Variants in SPATA17 observed in about 807,000 individuals in gnomAD.
SPATA17 encodes spermatogenesis-associated protein 17.
SPATA17 carries 53 observed loss-of-function variants against 62.2 expected under a neutral mutation model. The observed-to-expected ratio is 0.85, with a 90% confidence interval of 0.68 to 1.07. The LOEUF (loss-of-function observed/expected upper bound fraction) is 1.07, where lower values mean the gene tolerates loss of function less well. SPATA17 is among the 50% of genes least tolerant of loss of function. The probability of loss-of-function intolerance (pLI) is 0.00; values close to 1 mark genes in which losing one functional copy is unlikely to be tolerated. For synonymous variants in SPATA17, 146 were observed against 146.8 expected, an observed-to-expected ratio of 0.99 and a Z score of 0.04; for missense variants, 466 against 425.5, an observed-to-expected ratio of 1.10 and a Z score of -0.84.
At chr1:217,723,203 C>G (rs561808281) in intron 5 of SPATA17, among the ~76,000 whole-genome samples, 48 of 152,218 alleles carry the variant, frequency 3.2e-4, no homozygotes, top group Admixed American at 6.5e-4. Context: ...CAACTGAGAC[C>G]ATTCCAATTT....
rs1676056684 is a variant in SPATA17 at position 217,868,206 on chromosome 1, T to A, written c.*1187T>A. The A allele has an allele frequency of 6.6e-6, 1 of 152,206 alleles. No homozygotes were observed. Among genetic ancestry groups the A allele is most frequent in the Non-Finnish European group, 1.5e-5 (1 of 68,028 alleles). 9.4% of individuals were successfully genotyped at this position (152,206 alleles called of 1,614,324 possible). A position where few individuals can be genotyped will look rare whatever the true frequency, so the allele number is the denominator to read the frequency against. ...GTGGTATAAAAGAATTATTGGTTTT[T>A]TTTAGGTGTCATGGTATTGTTTTGG... On this transcript the variant is annotated 3_prime_UTR_variant, in exon 11 of 11. Transcript: ENST00000366933.
rs921167326 is a variant in SPATA17, at chr1:217,847,392, G to C, written c.1006-15382G>C. ...TTCAGTGAAGTTCAAGGGCATCCAA[G>C]TATGAAATAGCTTGTGAGGAAATTC... On this transcript the variant is annotated intron_variant, in intron 9 of 10. Coordinates refer to ENST00000366933, the MANE Select transcript of SPATA17 (RefSeq NM_138796.4). Among the ~76,000 whole-genome samples, 4 of 152,076 alleles carry C rather than the reference G, an allele frequency of 2.6e-5. No individual in the cohort carries two copies. The South Asian group carries it at 6.2e-4, about 24-fold the overall frequency.
At chr1:217,682,219 G>A (rs951495046) in intron 4 of SPATA17, among the ~76,000 whole-genome samples, 1 of 151,696 alleles carries the variant, frequency 6.6e-6, no homozygotes, top group Non-Finnish European at 1.5e-5. Context: ...TCAGATAGGG[G>A]TATTAGAAAA....
chr1:217,638,586 T>G (rs11117900), intron 1 of SPATA17, among the ~76,000 whole-genome samples: 1 of 152,128 alleles, frequency 6.6e-6, no homozygotes, highest in South Asian at 2.1e-4. Context: ...GCCCTGTATA[T>G]GTATCAAACA....
At chr1:217,656,959 T>G (rs555467489) in intron 3 of SPATA17, among the ~76,000 whole-genome samples, 9 of 152,278 alleles carry the variant, frequency 5.9e-5, no homozygotes, top group African/African-American at 2.2e-4. Flanking sequence ...CAGCCCTTAT[T>G]GGGGATTTTT....
intron 3 of SPATA17, among the ~76,000 whole-genome samples, chr1:217,658,486 T>C (rs571693537): frequency 4.6e-5 from 7 of 152,060 alleles, no homozygotes; most frequent in Non-Finnish European, 8.8e-5. Flanking sequence ...GGGCCGGGTG[T>C]GGAGGCTCAC....
At chr1:217,701,112 C>T (rs557426167) in intron 5 of SPATA17, among the ~76,000 whole-genome samples, 110 of 150,768 alleles carry the variant, frequency 7.3e-4, no homozygotes, top group Admixed American at 9.9e-4. Flanking sequence ...GTAGCTGGGA[C>T]TGTAGGCGCA....
chr1:217,772,338 T>C (rs1673469681), intron 6 of SPATA17, among the ~76,000 whole-genome samples: 2 of 152,190 alleles, frequency 1.3e-5, no homozygotes, highest in Non-Finnish European at 2.9e-5. Context: ...GTTTTTCTTG[T>C]ATCAATTGTA....
chr1:217,804,334 A>G (rs1189402337), intron 9 of SPATA17, among the ~76,000 whole-genome samples: 1 of 152,220 alleles, frequency 6.6e-6, no homozygotes, highest in Non-Finnish European at 1.5e-5. Flanking sequence ...AATAGTGATG[A>G]GAAAACTGTA....
chr1:217,635,916 C>T (rs1669926069), intron 1 of SPATA17, among the ~76,000 whole-genome samples: 1 of 151,552 alleles, frequency 6.6e-6, no homozygotes, highest in South Asian at 2.1e-4. Flanking sequence ...GAGCAGATCA[C>T]GAGGTCAGGA....
intron 5 of SPATA17, among the ~76,000 whole-genome samples, chr1:217,737,405 A>G (rs1672533796): frequency 6.6e-6 from 1 of 152,178 alleles, no homozygotes; most frequent in Non-Finnish European, 1.5e-5. Context: ...AGATGGAAAC[A>G]ACTCTCAGAC....
intron 9 of SPATA17, among the ~76,000 whole-genome samples, chr1:217,817,039 A>T (rs1191232678): frequency 6.6e-6 from 1 of 152,100 alleles, no homozygotes; most frequent in East Asian, 1.9e-4. Flanking sequence ...GGGGCTTTAA[A>T]AAATTAGAAG....
chr1:217,678,530 A>G (rs1456186397), intron 4 of SPATA17, among the ~76,000 whole-genome samples: 1 of 152,090 alleles, frequency 6.6e-6, no homozygotes, highest in Non-Finnish European at 1.5e-5. Flanking sequence ...TTTTCATGTT[A>G]AGAGAGAAGA....
chr1:217,849,028 A>T (rs957110001), intron 9 of SPATA17, among the ~76,000 whole-genome samples: 1 of 152,156 alleles, frequency 6.6e-6, no homozygotes, highest in African/African-American at 2.4e-5. Context: ...TAATGGATGC[A>T]ATATCCTTTC....
chr1:217,788,856 C>T (rs116589421), intron 8 of SPATA17, among the ~76,000 whole-genome samples: 2,902 of 152,216 alleles, frequency 0.019, 104 homozygotes, highest in African/African-American at 0.066. Flanking sequence ...TTTGTTATAA[C>T]AGCAAAAGAA....
chr1:217,713,256 T>G (rs7531003), intron 5 of SPATA17, among the ~76,000 whole-genome samples: 7,320 of 151,860 alleles, frequency 0.048, 579 homozygotes, highest in African/African-American at 0.17. Flanking sequence ...TTCAGGATGT[T>G]TTTTTTTTCC....
intron 7 of SPATA17, among the ~76,000 whole-genome samples, chr1:217,778,071 G>A (rs1422752705): frequency 6.6e-6 from 1 of 151,880 alleles, no homozygotes; most frequent in Non-Finnish European, 1.5e-5. Flanking sequence ...GCATCAACAA[G>A]CAATTAAATT....
In SPATA17 at chr1:217,723,121, T is replaced by C. The variant is rs529320963; in HGVS notation, c.396-18854T>C. On this transcript the variant is annotated intron_variant, in intron 5 of 10. Transcript: ENST00000366933. ...TTGAGGCCAGAACTCCAGTCCACAG[T>C]CCATGTAATACTTCAAATTCATGTT... 9.8e-5 allele frequency among the ~76,000 whole-genome samples: 15 copies of C among 152,296 alleles called. No homozygotes were observed. In the South Asian group the frequency reaches 3.1e-3, roughly 32 times the overall value.
chr1:217,842,842 G>A (rs1241035590), intron 9 of SPATA17, among the ~76,000 whole-genome samples: 1 of 151,850 alleles, frequency 6.6e-6, no homozygotes, highest in Non-Finnish European at 1.5e-5. Context: ...ATATTTAAAT[G>A]ATTTATTTTC....
Sources: gnomAD v4.1 joint callset for allele counts (sites outside exome capture counted in the v4.1 genomes callset) on GRCh38, gnomAD v4.1.1 for gene constraint, MANE v1.5 for transcripts, NCBI Gene and HGNC (gene_info 2026-07-23, HGNC 2026-07-21) for gene names.